Variants in ARFGAP1 observed in about 807,000 individuals in gnomAD.
ARFGAP1 encodes the protein ADP-ribosylation factor GTPase-activating protein 1.
Under a neutral mutation model 54.0 loss-of-function variants are expected in ARFGAP1, and 26 were observed. The ratio of observed to expected loss-of-function variants is 0.48; its 90% confidence interval spans 0.35 to 0.67. ARFGAP1 has a LOEUF of 0.67. Ranked by LOEUF, ARFGAP1 falls within the 30% of genes least tolerant of loss-of-function variation. The pLI, the probability that ARFGAP1 is intolerant of heterozygous loss-of-function variation, is 0.00. For synonymous variants in ARFGAP1, 248 were observed against 211.9 expected, an observed-to-expected ratio of 1.17 and a Z score of -1.48; for missense variants, 525 against 535.8, an observed-to-expected ratio of 0.98 and a Z score of 0.20.
intron 1 of ARFGAP1, chr20:63,273,566 T>A (rs1391078206): frequency 6.6e-6 from 1 of 152,276 alleles, no homozygotes; most frequent in Non-Finnish European, 1.5e-5. Context: ...GAACTAGGGC[T>A]CTTGAATATT....
intron 11 of ARFGAP1, 93 bp downstream of exon 11, chr20:63,285,806 C>T (rs775235739): frequency 3.5e-5 from 54 of 1,547,846 alleles, no homozygotes; most frequent in Middle Eastern, 1.7e-4. Context: ...CCGTGCAGCC[C>T]TCAGCCCAGC....
Position 63,276,311 on chromosome 20 carries a change from A to G in ARFGAP1, c.170+111A>G. On this transcript the variant is annotated intron_variant, in intron 3 of 12. Transcript: ENST00000370283. This position sits in a 1 kb window ranked among gnomAD's most constrained non-coding sequence, Gnocchi z 5.2. ...AAGCTTGGGGGCCACCTCCCATTGC[A>G]TTGCCAGTGTCCACTCTAGTGACGC... 7.2e-7 allele frequency: 1 copy of G among 1,397,612 alleles called. No individual in the cohort carries two copies. Among genetic ancestry groups the G allele is most frequent in the South Asian group, 1.2e-5 (1 of 81,304 alleles). The allele number at this position is 1,397,612 out of a possible 1,614,324, so 86.6% of individuals were successfully genotyped here. A position where few individuals can be genotyped will look rare whatever the true frequency, so the allele number is the denominator to read the frequency against.
At chr20:63,285,058 C>T in intron 10 of ARFGAP1, 136 bp downstream of exon 10, 8 of 1,051,848 alleles carry the variant, frequency 7.6e-6, no homozygotes, top group Non-Finnish European at 1.1e-5. Context: ...ACCTCTCCAG[C>T]ACAGGCGTCC....
chr20:63,275,104 T>G (rs1601330647), intron 1 of ARFGAP1, among the ~76,000 whole-genome samples: 1 of 151,896 alleles, frequency 6.6e-6, no homozygotes, highest in East Asian at 1.9e-4. Context: ...GTTGGGAAGG[T>G]GGTGGGGAGG....
chr20:63,283,571 G>A (rs925072855), intron 9 of ARFGAP1: 16 of 477,838 alleles, frequency 3.3e-5, no homozygotes, highest in Non-Finnish European at 5.9e-5. Flanking sequence ...CTTCCTCTCT[G>A]AGGGAGTCTC....
chr20:63,273,419 C>T (rs1052047049), intron 1 of ARFGAP1: 2 of 152,222 alleles, frequency 1.3e-5, no homozygotes, highest in African/African-American at 4.8e-5. Flanking sequence ...AAGTGAGGGT[C>T]CTAAGAAGGA....
Position 63,289,045 on chromosome 20 carries a change from C to T in ARFGAP1, c.*1172C>T. On this transcript the variant is annotated 3_prime_UTR_variant, in exon 13 of 13. Coordinates refer to ENST00000370283, the MANE Select transcript of ARFGAP1 (RefSeq NM_018209.4). ...TGCTCGTCCCACCCTAGGGACTCAG[C>T]CACTTGCAGAACAGGATGGGACCGA... 6.0e-6 allele frequency: 1 copy of T among 166,866 alleles called. No individual in the cohort carries two copies. Among genetic ancestry groups the T allele is most frequent in the Non-Finnish European group, 1.3e-5 (1 of 75,382 alleles). 10.3% of individuals were successfully genotyped at this position (166,866 alleles called of 1,614,324 possible).
Position 63,284,909 on chromosome 20 carries a change from C to T in ARFGAP1, c.761C>T (p.Pro254Leu), listed in dbSNP as rs2067486490. The change falls in exon 10 of 13, where the codon CCT becomes CTT. Residue 254 changes from proline to leucine, a missense_variant. Physicochemically the swap from Pro to Leu is moderately conservative, Grantham distance 98. Around this residue, in one of 3 missense-constraint regions of ARFGAP1, gnomAD observed 466 missense variants for 453.6 expected, o/e 1.03. Transcript: ENST00000370283. ...GHSLNENVLK[P>L]AQEKVKEGKI... is the part of the protein sequence containing the mutation. ...AGCCTGAACGAGAACGTCCTCAAGC[C>T]TGCGCAGGAGAAGGTAACGGGCAGC... is the stretch of plus-strand genomic sequence containing the variant. 3.1e-6 allele frequency: 5 copies of T among 1,613,210 alleles called. No homozygotes were observed. Among genetic ancestry groups the T allele is most frequent in the Non-Finnish European group, 4.2e-6 (5 of 1,179,940 alleles).
intron 9 of ARFGAP1, chr20:63,284,477 C>T: frequency 2.7e-6 from 3 of 1,109,714 alleles, no homozygotes; most frequent in Non-Finnish European, 3.3e-6. Context: ...AGGGGGGACT[C>T]GGTGCCTGCC....
At chr20:63,283,570 T>G (rs1207636488) in intron 9 of ARFGAP1, 3 of 478,856 alleles carry the variant, frequency 6.3e-6, no homozygotes, top group Non-Finnish European at 7.4e-6. Flanking sequence ...CCTTCCTCTC[T>G]GAGGGAGTCT....
intron 9 of ARFGAP1, chr20:63,284,264 G>A (rs1004805724): frequency 1.8e-6 from 2 of 1,140,648 alleles, no homozygotes; most frequent in African/African-American, 1.6e-5. Flanking sequence ...GTGCAAAGGG[G>A]AGGATCTTTG....
At chr20:63,287,491 C>T (rs2067589309) in intron 12 of ARFGAP1, 73 bp from the exon 13 acceptor site, 1 of 1,435,552 alleles carries the variant, frequency 7.0e-7, no homozygotes, top group Non-Finnish European at 9.4e-7. Context: ...GTGCAGAGCT[C>T]TCGGGGGCAC....
At position 63,288,812 on chromosome 20, in the gene ARFGAP1, C is replaced by G. The variant is rs572982086; in HGVS notation, c.*939C>G. On this transcript the variant is annotated 3_prime_UTR_variant, in exon 13 of 13. Transcript: ENST00000370283. ...CCGAGGACTGGATGATGTGCTGCCACGTGTGACTCGTCTCCCTTGTCTGCC... is the reference window on the plus strand; with the variant it reads ...CCGAGGACTGGATGATGTGCTGCCAGGTGTGACTCGTCTCCCTTGTCTGCC... 2 of 330,898 alleles carry G rather than the reference C, an allele frequency of 6.0e-6. No individual in the cohort carries two copies. Among genetic ancestry groups the G allele is most frequent in the Non-Finnish European group, 1.2e-5 (2 of 166,114 alleles). 20.5% of individuals were successfully genotyped at this position (330,898 alleles called of 1,614,324 possible). A position where few individuals can be genotyped will look rare whatever the true frequency, so the allele number is the denominator to read the frequency against.
At chr20:63,273,877 T>G (rs1359091572) in intron 1 of ARFGAP1, 1 of 152,288 alleles carries the variant, frequency 6.6e-6, no homozygotes, top group Non-Finnish European at 1.5e-5. Context: ...GTGCCGTGGT[T>G]CTGCACAGGG....
chr20:63,287,734 C>G lies in ARFGAP1; in HGVS notation c.1082C>G (p.Ser361Trp), dbSNP rs774693025. Reference protein sequence around the residue: ...CADTSTERRSSDSWEVWGSAS... With the variant: ...CADTSTERRSWDSWEVWGSAS... ...GACACCTCCACCGAGAGGAGGAGCT[C>G]GGACAGCTGGGAGGTGTGGGGCTCG... The change falls in exon 13 of 13, where the codon TCG becomes TGG. Residue 361 changes from serine to tryptophan, a missense_variant. Ser to Trp is a radical substitution (Grantham distance 177). Around this residue, in one of 3 missense-constraint regions of ARFGAP1, gnomAD observed 466 missense variants for 453.6 expected, o/e 1.03. Transcript: ENST00000370283. 1 of 1,610,576 alleles carries G rather than the reference C, an allele frequency of 6.2e-7. No individual in the cohort carries two copies. Among genetic ancestry groups the G allele is most frequent in the South Asian group, 1.1e-5 (1 of 90,662 alleles).
Position 63,278,963 on chromosome 20 carries a change from T to G in ARFGAP1, c.595T>G (p.Phe199Val). The change falls in exon 7 of 13, where the codon TTC becomes GTC. Residue 199 changes from phenylalanine to valine, a missense_variant. Physicochemically the swap from Phe to Val is conservative, Grantham distance 50. Around this residue, in one of 3 missense-constraint regions of ARFGAP1, gnomAD observed 466 missense variants for 453.6 expected, o/e 1.03. Coordinates refer to ENST00000370283, the MANE Select transcript of ARFGAP1 (RefSeq NM_018209.4). ...TPPPQKKEDD[F>V]LNNAMSSLYS... ...ACCGCCTCAGAAGAAAGAAGATGAC[T>G]TCCTCAACAACGCCATGTCCTCCCT... 6.2e-7 allele frequency: 1 copy of G among 1,614,086 alleles called. No individual in the cohort carries two copies.
chr20:63,286,103 C>G, intron 11 of ARFGAP1: 1 of 1,550,140 alleles, frequency 6.5e-7, no homozygotes, highest in African/African-American at 1.4e-5. Flanking sequence ...GCAGGCCTCG[C>G]TCCTCCCCCC....
intron 2 of ARFGAP1, 91 bp from the exon 3 acceptor site, chr20:63,276,000 G>A: frequency 8.3e-7 from 1 of 1,199,242 alleles, no homozygotes; most frequent in Non-Finnish European, 1.2e-6. Flanking sequence ...GCAGCCCTCT[G>A]CATTCGCTCC....
chr20:63,284,692 T>C (rs146839108), intron 9 of ARFGAP1, 174 bp from the exon 10 acceptor site: 183 of 1,446,326 alleles, frequency 1.3e-4, no homozygotes, highest in Non-Finnish European at 1.6e-4. Flanking sequence ...GGCGGCCTAC[T>C]GCCCTTCGGG....
Sources: allele counts gnomAD v4.1 joint callset (sites outside exome capture counted in the v4.1 genomes callset), GRCh38; gene constraint gnomAD v4.1.1; regional missense constraint gnomAD v4.1.1; non-coding constraint Gnocchi (gnomAD v3.1); transcripts MANE v1.5; gene names NCBI Gene and HGNC (gene_info 2026-07-23, HGNC 2026-07-21).